Variants in ZNF771 observed in about 807,000 individuals in gnomAD.
ZNF771 encodes zinc finger protein 771.
A neutral mutation model predicts 27.6 loss-of-function variants in ZNF771; 10 were observed. That is an observed-to-expected ratio of 0.36 (90% confidence interval 0.22 to 0.61). The LOEUF is 0.61. Ranked by LOEUF, ZNF771 falls within the 20% of genes least tolerant of loss-of-function variation. The pLI, the probability that ZNF771 is intolerant of heterozygous loss-of-function variation, is 0.70. For synonymous variants in ZNF771, 261 were observed against 225.2 expected (o/e 1.16, Z -1.43); for missense variants, 438 against 503.7 (o/e 0.87, Z 1.25).
intron 2 of ZNF771, among the ~76,000 whole-genome samples, chr16:30,410,422 C>T (rs1302049353): frequency 6.6e-6 from 1 of 151,486 alleles, no homozygotes; most frequent in Non-Finnish European, 1.5e-5. Flanking sequence ...TATCAAAGGC[C>T]TGGGCTGAAC....
At chr16:30,411,804 C>T (rs959820633) in intron 2 of ZNF771, among the ~76,000 whole-genome samples, 2 of 152,094 alleles carry the variant, frequency 1.3e-5, no homozygotes, top group African/African-American at 4.8e-5. Flanking sequence ...ATGGTGACCT[C>T]GAAAACACCT....
chr16:30,417,456 T>C, intron 2 of ZNF771, 99 bp from the exon 3 acceptor site: 1 of 805,156 alleles, frequency 1.2e-6, no homozygotes, highest in Non-Finnish European at 1.6e-6. Flanking sequence ...ATTTCATAGA[T>C]GGGGAACTGA....
Position 30,417,897 on chromosome 16 carries a change from T to C in ZNF771, c.484T>C (p.Tyr162His), listed in dbSNP as rs1240098347. ...CGRRFAQSSN[Y>H]AQHLRVHTGE... ...CCGCCGCTTCGCGCAGAGCTCCAAC[T>C]ACGCACAGCACCTGCGCGTGCACAC... Residue 162 changes from tyrosine (Y) to histidine (H), a missense_variant, in exon 3 of 3, where the codon TAC becomes CAC. Tyr to His is a moderately conservative substitution (Grantham distance 83). Transcript: ENST00000319296. 1 of 1,507,340 alleles carries C rather than the reference T, an allele frequency of 6.6e-7. No homozygotes were observed. Among genetic ancestry groups the C allele is most frequent in the Admixed American group, 2.1e-5 (1 of 47,956 alleles). The allele number at this position is 1,507,340 out of a possible 1,614,324, so 93.4% of individuals were successfully genotyped here.
intron 2 of ZNF771, among the ~76,000 whole-genome samples, chr16:30,410,421 C>T (rs1272589741): frequency 1.3e-5 from 2 of 151,850 alleles, no homozygotes; most frequent in Non-Finnish European, 2.9e-5. Flanking sequence ...TTATCAAAGG[C>T]CTGGGCTGAA....
At chr16:30,411,979 CA>C (rs538915838) in intron 2 of ZNF771, among the ~76,000 whole-genome samples, 79 of 152,172 alleles carry the variant, frequency 5.2e-4, no homozygotes, top group Non-Finnish European at 1.0e-3. Flanking sequence ...CATGCACATC[CA>C]AACCTATCTT....
chr16:30,418,638 A>C lies in ZNF771; in HGVS notation c.*271A>C, dbSNP rs1485723261. 5.1e-6 allele frequency: 2 copies of C among 393,198 alleles called. No individual in the cohort carries two copies. The highest frequency in any genetic ancestry group is 9.0e-6 in the Non-Finnish European group (2 of 223,282). 24.4% of individuals were successfully genotyped at this position (393,198 alleles called of 1,614,324 possible). ...AGTGAGGTGGGTGGGAGAGGAAGAA[A>C]GTTGGGGTTCTCCAGGCTCAGGTGC... On this transcript the variant is annotated 3_prime_UTR_variant, in exon 3 of 3. Transcript: ENST00000319296.
chr16:30,418,387 G>A lies in ZNF771; in HGVS notation c.*20G>A. ...AGCTGAGTCCCGCAGGGCTGCGGAGGGGCGCGCTGGGGCTTCGACCTGGCT... is the reference window on the plus strand; with the variant it reads ...AGCTGAGTCCCGCAGGGCTGCGGAGAGGCGCGCTGGGGCTTCGACCTGGCT... On this transcript the variant is annotated 3_prime_UTR_variant, in exon 3 of 3. Transcript: ENST00000319296. The A allele has an allele frequency of 7.3e-7, 1 of 1,364,276 alleles. No homozygotes were observed. Among genetic ancestry groups the A allele is most frequent in the Non-Finnish European group, 9.4e-7 (1 of 1,063,102 alleles). 84.5% of individuals were successfully genotyped at this position (1,364,276 alleles called of 1,614,324 possible).
chr16:30,417,268 T>C (rs2151125897), intron 2 of ZNF771, among the ~76,000 whole-genome samples: 1 of 152,366 alleles, frequency 6.6e-6, no homozygotes, highest in Middle Eastern at 3.4e-3. Context: ...TAATGCTTTT[T>C]ATTTAATGCG....
At chr16:30,413,689 C>A in intron 2 of ZNF771, 1 of 303,452 alleles carries the variant, frequency 3.3e-6, no homozygotes, top group Non-Finnish European at 6.9e-6. Context: ...CCTTCCTCGG[C>A]CTACCAAGTT....
intron 1 of ZNF771, 41 bp from the exon 2 acceptor site, chr16:30,407,987 CGGGGGGGGGGGTGGGGG>C: frequency 1.4e-6 from 1 of 719,332 alleles, no homozygotes; most frequent in South Asian, 1.9e-5. Flanking sequence ...CCACGGTGGG[CGGGGGGGGGGGTGGGGG>C]GGGGCGGGTC....
chr16:30,408,062 C>T lies in ZNF771; in HGVS notation c.9C>T (p.Gly3=). 2.5e-6 allele frequency: 4 copies of T among 1,580,192 alleles called. No individual in the cohort carries two copies. Among genetic ancestry groups the T allele is most frequent in the East Asian group, 2.3e-5 (1 of 42,666 alleles). The change falls in exon 2 of 3, where the codon GGC becomes GGT. Residue 3 remains glycine (G), a synonymous_variant. Coordinates refer to ENST00000319296, the MANE Select transcript of ZNF771 (RefSeq NM_001142305.2). MP[G]EQQAEEEEEE... ...CGCCTCAGGACACCAAGATGCCTGGCGAACAGCAGGCAGAGGAAGAGGAGG... is the reference window on the plus strand; with the variant it reads ...CGCCTCAGGACACCAAGATGCCTGGTGAACAGCAGGCAGAGGAAGAGGAGG...
At chr16:30,414,998 C>T (rs144237376) in intron 2 of ZNF771, among the ~76,000 whole-genome samples, 4,207 of 116,166 alleles carry the variant, frequency 0.036, 110 homozygotes, top group Non-Finnish European at 0.05. Flanking sequence ...CACTCTGTTC[C>T]CCAGGCTGGA....
In ZNF771 at chr16:30,418,877, C is replaced by T. The variant is rs1320870941; in HGVS notation, c.*510C>T. The stretch of plus-strand genomic sequence containing the variant: ...TGAGCAAGGCACGACCCTCAGATCT[C>T]AGTCTAGTGAAGGAGAGAAAACTGT... On this transcript the variant is annotated 3_prime_UTR_variant, in exon 3 of 3. Transcript: ENST00000319296. The T allele has an allele frequency of 6.4e-6, 1 of 156,516 alleles. No homozygotes were observed. The highest frequency in any genetic ancestry group is 1.4e-5 in the Non-Finnish European group (1 of 71,172). The allele number at this position is 156,516 out of a possible 1,614,324, so 9.7% of individuals were successfully genotyped here.
In ZNF771 at chr16:30,417,999, A is replaced by G. The variant is rs754365017; in HGVS notation, c.586A>G (p.Thr196Ala). 31 of 1,472,442 alleles carry G rather than the reference A, an allele frequency of 2.1e-5. No homozygotes were observed. The highest frequency in any genetic ancestry group is 3.6e-6 in the Non-Finnish European group (4 of 1,121,686). 91.2% of individuals were successfully genotyped at this position (1,472,442 alleles called of 1,614,324 possible). A position where few individuals can be genotyped will look rare whatever the true frequency, so the allele number is the denominator to read the frequency against. ...CTCGTGCCTGGCGCGCCACCGACGC[A>G]CGCACACGGGCGAGCGGCCCTACGC... Reference protein sequence around the residue: ...GSSCLARHRRTHTGERPYACA... With the variant: ...GSSCLARHRRAHTGERPYACA... Residue 196 changes from threonine to alanine, a missense_variant, in exon 3 of 3, where the codon ACG becomes GCG. Physicochemically the swap from Thr to Ala is moderately conservative, Grantham distance 58. Coordinates refer to ENST00000319296, the MANE Select transcript of ZNF771 (RefSeq NM_001142305.2).
Position 30,418,310 on chromosome 16 carries a change from C to T in ZNF771, c.897C>T (p.Pro299=), listed in dbSNP as rs1306984405. Residue 299 remains proline, a synonymous_variant, in exon 3 of 3, where the codon CCC becomes CCT. Coordinates refer to ENST00000319296, the MANE Select transcript of ZNF771 (RefSeq NM_001142305.2). ...CAGCGRDFKL[P]PGATAATATE... ...GCTGCGGCAGGGACTTCAAGCTGCC[C>T]CCTGGCGCCACGGCCGCCACTGCCA... The T allele has an allele frequency of 4.7e-6, 7 of 1,490,482 alleles. No individual in the cohort carries two copies. The highest frequency in any genetic ancestry group is 1.4e-5 in the African/African-American group (1 of 69,034). The allele number at this position is 1,490,482 out of a possible 1,614,324, so 92.3% of individuals were successfully genotyped here. A position where few individuals can be genotyped will look rare whatever the true frequency, so the allele number is the denominator to read the frequency against.
Position 30,418,123 on chromosome 16 carries a change from G to T in ZNF771, c.710G>T (p.Gly237Val), listed in dbSNP as rs528236958. Residue 237 changes from glycine (G) to valine (V), a missense_variant, in exon 3 of 3, where the codon GGC (glycine) becomes GTC (valine). Around this residue, in one of 3 missense-constraint regions of ZNF771, gnomAD observed 305 missense variants for 308.0 expected, o/e 0.99. Transcript: ENST00000319296. ...GEKPHRCAVC[G>V]RRFGHRSNLA... ...AAGCCGCACCGCTGCGCTGTGTGTG[G>T]CCGTCGCTTCGGCCACCGCTCCAAC... 2 of 1,479,388 alleles carry T rather than the reference G, an allele frequency of 1.4e-6. No individual in the cohort carries two copies. Among genetic ancestry groups the T allele is most frequent in the South Asian group, 2.6e-5 (2 of 77,280 alleles). The allele number at this position is 1,479,388 out of a possible 1,614,324, so 91.6% of individuals were successfully genotyped here. A position where few individuals can be genotyped will look rare whatever the true frequency, so the allele number is the denominator to read the frequency against.
chr16:30,414,819 A>AT (rs1030282112), intron 2 of ZNF771, among the ~76,000 whole-genome samples: 8 of 140,584 alleles, frequency 5.7e-5, no homozygotes, highest in East Asian at 4.2e-4. Flanking sequence ...AATTTTTTGT[A>AT]TTTTTTTAGT....
At position 30,419,319 on chromosome 16, in the gene ZNF771, C is replaced by G. The variant is rs2050155218; in HGVS notation, c.*952C>G. ...ACCTAGCAGCTCATGCCTGTAATCT[C>G]CAGCACTTTGGGAGGCGGAGGCAGG... is the stretch of plus-strand genomic sequence containing the variant. On this transcript the variant is annotated 3_prime_UTR_variant, in exon 3 of 3. Coordinates refer to ENST00000319296, the MANE Select transcript of ZNF771 (RefSeq NM_001142305.2). 1 of 153,056 alleles carries G rather than the reference C, an allele frequency of 6.5e-6. No homozygotes were observed. Among genetic ancestry groups the G allele is most frequent in the Admixed American group, 6.6e-5 (1 of 15,236 alleles). 9.5% of individuals were successfully genotyped at this position (153,056 alleles called of 1,614,324 possible).
At chr16:30,417,438 C>G in intron 2 of ZNF771, 117 bp from the exon 3 acceptor site, 3 of 629,338 alleles carry the variant, frequency 4.8e-6, no homozygotes, top group Non-Finnish European at 6.6e-6. Flanking sequence ...AGCACCGTGG[C>G]CTTTCCTATT....
Sources: gnomAD v4.1 joint callset for allele counts (sites outside exome capture counted in the v4.1 genomes callset) on GRCh38, gnomAD v4.1.1 for gene constraint, gnomAD v4.1.1 regional missense constraint, MANE v1.5 for transcripts, NCBI Gene and HGNC (gene_info 2026-07-23, HGNC 2026-07-21) for gene names.